Variants in TENM2 observed in about 807,000 individuals in gnomAD.
The protein encoded by TENM2 is teneurin-2.
TENM2 carries 52 observed loss-of-function variants against 245.2 expected under a neutral mutation model. The observed-to-expected ratio is 0.21, with a 90% CI of 0.17 to 0.27. TENM2 has a LOEUF of 0.27. TENM2 is among the 10% of genes least tolerant of loss of function. The pLI is 1.00. For missense variants in TENM2, 3,046 were observed against 3,666.8 expected (o/e 0.83, Z 4.37); for synonymous variants, 1,363 against 1,438.9 (o/e 0.95, Z 1.19).
intron 2 of TENM2, among the ~76,000 whole-genome samples, chr5:167,519,211 T>G (rs575355081): frequency 5.3e-4 from 80 of 152,288 alleles, no homozygotes; most frequent in African/African-American, 1.9e-3. Flanking sequence ...GCTTAAATAT[T>G]ATCTTCTTAT....
chr5:167,572,744 A>C (rs1481292815), intron 2 of TENM2, among the ~76,000 whole-genome samples: 1 of 152,196 alleles, frequency 6.6e-6, no homozygotes, highest in Admixed American at 6.5e-5. Context: ...TTGGGAAATC[A>C]TTTCTTTTCG....
intron 3 of TENM2, among the ~76,000 whole-genome samples, chr5:167,881,755 C>T (rs1162399027): frequency 2.6e-5 from 4 of 152,164 alleles, no homozygotes; most frequent in Non-Finnish European, 5.9e-5. Context: ...AGGCTAAGTC[C>T]AGCATGTTAT....
At chr5:168,116,228 C>T (rs900875849) in intron 9 of TENM2, among the ~76,000 whole-genome samples, 2 of 152,078 alleles carry the variant, frequency 1.3e-5, no homozygotes, top group Middle Eastern at 3.2e-3. Context: ...TTAGACAGTT[C>T]GTCTAAATTC....
the TENM2 span, among the ~76,000 whole-genome samples, chr5:167,092,395 T>G: frequency 6.6e-6 from 1 of 152,164 alleles, no homozygotes; most frequent in African/African-American, 2.4e-5. Flanking sequence ...TGAAAATTAA[T>G]TACAATCTGG....
rs557207100 is a variant in TENM2, at chr5:168,175,791, G to A, written c.2569+13034G>A. On this transcript the variant is annotated intron_variant, in intron 13 of 28. Transcript: ENST00000518659. ...GCAGAAAAGAGAAACAGCAGTCCCCGGAGCAAGCTTCTCCTGCTCTTACTT... is the reference window on the plus strand; with the variant it reads ...GCAGAAAAGAGAAACAGCAGTCCCCAGAGCAAGCTTCTCCTGCTCTTACTT... 1.4e-3 allele frequency among the ~76,000 whole-genome samples: 212 copies of A among 152,266 alleles called. 1 individual carries two copies. Among genetic ancestry groups the A allele is most frequent in the African/African-American group, 4.7e-3 (196 of 41,548 alleles).
intron 2 of TENM2, among the ~76,000 whole-genome samples, chr5:167,514,692 CA>C (rs1202221456): frequency 1.3e-5 from 2 of 152,116 alleles, no homozygotes; most frequent in Non-Finnish European, 2.9e-5. Flanking sequence ...GGCAGCAAGC[CA>C]GAGGGAGGGC....
chr5:167,234,719 A>G, the TENM2 span, among the ~76,000 whole-genome samples: 13 of 152,320 alleles, frequency 8.5e-5, no homozygotes, highest in East Asian at 3.9e-4. Flanking sequence ...TGAAGACTTG[A>G]GTCATGATGT....
chr5:167,079,393 A>C, the TENM2 span, among the ~76,000 whole-genome samples: 1 of 150,486 alleles, frequency 6.6e-6, no homozygotes, highest in South Asian at 2.1e-4. Context: ...AGCTCACTGC[A>C]ACCTCCGCCT....
At chr5:167,094,211 C>T in the TENM2 span, among the ~76,000 whole-genome samples, 1 of 152,094 alleles carries the variant, frequency 6.6e-6, no homozygotes, top group East Asian at 1.9e-4. Context: ...ATATAATAAA[C>T]TACACATATT....
At chr5:167,149,986 AAAGGAAGG>A in the TENM2 span, among the ~76,000 whole-genome samples, 1 of 152,176 alleles carries the variant, frequency 6.6e-6, no homozygotes, top group Non-Finnish European at 1.5e-5. Flanking sequence ...TGAAAAGATA[AAAGGAAGG>A]AAGGAAGGAC....
At chr5:168,260,188 C>T in intron 27 of TENM2, 95 bp from the exon 30 acceptor site, 2 of 1,416,340 alleles carry the variant, frequency 1.4e-6, no homozygotes, top group Non-Finnish European at 9.8e-7. Flanking sequence ...GCCCTACACC[C>T]AACCACCCAT....
intron 13 of TENM2, chr5:168,186,587 G>C (rs1760456286): frequency 6.6e-6 from 1 of 152,154 alleles, no homozygotes; most frequent in African/African-American, 2.4e-5. Context: ...TAACCGCTGA[G>C]TCAGTATTGG....
the TENM2 span, among the ~76,000 whole-genome samples, chr5:167,222,026 G>A: frequency 6.6e-6 from 1 of 152,232 alleles, no homozygotes; most frequent in Non-Finnish European, 1.5e-5. Flanking sequence ...CGTCGTTTGA[G>A]ATTATGCAAT....
the TENM2 span, among the ~76,000 whole-genome samples, chr5:167,163,529 T>A: frequency 0.032 from 4,915 of 152,274 alleles, 285 homozygotes; most frequent in African/African-American, 0.11. Flanking sequence ...TGTTTATGAT[T>A]TATCTGGACT....
chr5:166,994,032 CTGTG>C, the TENM2 span, among the ~76,000 whole-genome samples: 6 of 152,022 alleles, frequency 3.9e-5, 1 homozygote, highest in Non-Finnish European at 8.8e-5. Context: ...CCCATTATGT[CTGTG>C]TGTACATATG....
At chr5:167,137,509 C>G in the TENM2 span, among the ~76,000 whole-genome samples, 1 of 152,152 alleles carries the variant, frequency 6.6e-6, no homozygotes, top group South Asian at 2.1e-4. Context: ...TGGGGAGGCT[C>G]TAAATTCGGG....
intron 1 of TENM2, among the ~76,000 whole-genome samples, chr5:167,313,263 T>A (rs1471354671): frequency 1.3e-5 from 2 of 152,186 alleles, no homozygotes; most frequent in Non-Finnish European, 2.9e-5. Context: ...CAGACCATGA[T>A]GCAAGAATTC....
At chr5:167,901,691 T>C (rs1775716121) in intron 3 of TENM2, among the ~76,000 whole-genome samples, 1 of 152,232 alleles carries the variant, frequency 6.6e-6, no homozygotes, top group Non-Finnish European at 1.5e-5. Context: ...TATTATAGTA[T>C]GTTTTTAAAT....
At chr5:167,625,801 C>T (rs998049786) in intron 2 of TENM2, among the ~76,000 whole-genome samples, 1 of 152,160 alleles carries the variant, frequency 6.6e-6, no homozygotes, top group Admixed American at 6.5e-5. Flanking sequence ...CATCTGAAGG[C>T]TTGACTGTGG....
Sources: gnomAD v4.1 joint callset for allele counts (sites outside exome capture counted in the v4.1 genomes callset) on GRCh38, gnomAD v4.1.1 for gene constraint, MANE v1.5 for transcripts, NCBI Gene and HGNC (gene_info 2026-07-23, HGNC 2026-07-21) for gene names.